ROBO1: variants seen among roughly 807,000 people sequenced by gnomAD.
ROBO1 encodes the protein roundabout guidance receptor 1, also known as roundabout homolog 1.
A neutral mutation model predicts 195.9 loss-of-function variants in ROBO1; 149 were observed. That is an observed-to-expected ratio of 0.76 (90% CI 0.67 to 0.87). ROBO1 has a LOEUF of 0.87. ROBO1 is among the 40% of genes least tolerant of loss of function. The pLI is 0.00. For missense variants in ROBO1, 1,933 were observed against 2,068.3 expected, an observed-to-expected ratio of 0.93 and a Z score of 1.27; for synonymous variants, 816 against 733.2, an observed-to-expected ratio of 1.11 and a Z score of -1.82.
At chr3:79,037,006 G>A (rs1039174120) in intron 3 of ROBO1, among the ~76,000 whole-genome samples, 3 of 152,058 alleles carry the variant, frequency 2.0e-5, no homozygotes, top group African/African-American at 7.2e-5. Context: ...GCTCTAAAGA[G>A]TATATATAAA....
At chr3:79,468,927 C>A (rs892509811) in intron 2 of ROBO1, among the ~76,000 whole-genome samples, 3 of 152,002 alleles carry the variant, frequency 2.0e-5, no homozygotes, top group Non-Finnish European at 2.9e-5. Context: ...TTACCTTGAC[C>A]TTTTCCTTTG....
In ROBO1 at chr3:79,112,015, G is replaced by C. The variant is rs181037767; in HGVS notation, c.172+13441C>G. Among the ~76,000 whole-genome samples the C allele has an allele frequency of 4.6e-5, 7 of 152,244 alleles. No homozygotes were observed. The East Asian group carries it at 1.4e-3, about 29-fold the overall frequency. ...GTGAAGTACCTCAATAATACCTTTT[G>C]TATTGATTACATGTTGAAACAATAA... is the stretch of plus-strand genomic sequence containing the variant. On this transcript the variant is annotated intron_variant, in intron 3 of 30. Transcript: ENST00000464233.
At chr3:78,801,516 C>G (rs547588333) in intron 4 of ROBO1, among the ~76,000 whole-genome samples, 6 of 152,064 alleles carry the variant, frequency 3.9e-5, no homozygotes, top group African/African-American at 1.4e-4. Flanking sequence ...AAAAAATACA[C>G]AGACATAAAA....
In ROBO1 at chr3:79,258,518, C is replaced by T. The variant is rs77662956; in HGVS notation, c.89-132979G>A. Among the ~76,000 whole-genome samples, 1,045 of 152,144 alleles carry T rather than the reference C, an allele frequency of 6.9e-3. 6 individuals carry two copies. Among genetic ancestry groups the T allele is most frequent in the Non-Finnish European group, 0.011 (727 of 67,996 alleles). On this transcript the variant is annotated intron_variant, in intron 2 of 30. Transcript: ENST00000464233. Reference sequence around the variant, plus strand: ...AAATATTTCAGTTGGTTTTTGAATACCAAAGATCACAGTAGAAATTTTTAT... The same window carrying T: ...AAATATTTCAGTTGGTTTTTGAATATCAAAGATCACAGTAGAAATTTTTAT...
At chr3:79,019,023 T>C (rs1421562269) in intron 3 of ROBO1, 4 of 989,184 alleles carry the variant, frequency 4.0e-6, no homozygotes, top group African/African-American at 3.5e-5. Context: ...GGAGTGTGAC[T>C]GGGTGACTCC....
intron 3 of ROBO1, among the ~76,000 whole-genome samples, chr3:79,039,465 A>C (rs2078441491): frequency 6.6e-6 from 1 of 152,184 alleles, no homozygotes; most frequent in Non-Finnish European, 1.5e-5. Flanking sequence ...GGCAGTAGAA[A>C]TAGCCATGGC....
At chr3:79,099,321 G>A (rs1438797273) in intron 3 of ROBO1, among the ~76,000 whole-genome samples, 1 of 151,654 alleles carries the variant, frequency 6.6e-6, no homozygotes, top group East Asian at 1.9e-4. Flanking sequence ...TATCCCAGAG[G>A]TGCAAACAGT....
chr3:79,767,616 A>C (rs1705067779), intron 1 of ROBO1, 136 bp downstream of exon 1: 1 of 152,180 alleles, frequency 6.6e-6, no homozygotes, highest in African/African-American at 2.4e-5. Flanking sequence ...CATCAGCCAC[A>C]ATTTCTGGAT....
At chr3:79,298,291 C>G (rs546543404) in intron 2 of ROBO1, among the ~76,000 whole-genome samples, 1 of 152,032 alleles carries the variant, frequency 6.6e-6, no homozygotes, top group Non-Finnish European at 1.5e-5. Context: ...TTTAAAGGTA[C>G]GTTTCTCTCC....
At chr3:78,817,205 A>T (rs1039798937) in intron 4 of ROBO1, among the ~76,000 whole-genome samples, 1 of 152,090 alleles carries the variant, frequency 6.6e-6, no homozygotes, top group African/African-American at 2.4e-5. Context: ...CAGCCACCCA[A>T]GCCTTCTGCA....
intron 23 of ROBO1, among the ~76,000 whole-genome samples, chr3:78,635,505 C>G (rs1388827010): frequency 6.6e-6 from 1 of 152,030 alleles, no homozygotes; most frequent in Non-Finnish European, 1.5e-5. Flanking sequence ...AAAAGATTGT[C>G]CGTCCCAATC....
At chr3:79,413,454 A>G (rs1222490860) in intron 2 of ROBO1, among the ~76,000 whole-genome samples, 2 of 151,988 alleles carry the variant, frequency 1.3e-5, no homozygotes, top group Non-Finnish European at 2.9e-5. Context: ...GGCAAGAGGG[A>G]TAGGAGGAGA....
chr3:78,742,277 G>C (rs2082551601), intron 5 of ROBO1, among the ~76,000 whole-genome samples: 1 of 151,838 alleles, frequency 6.6e-6, no homozygotes, highest in South Asian at 2.1e-4. Context: ...CAGCACATTT[G>C]GCAAAGTACA....
At chr3:78,696,271 C>T (rs1398063799) in intron 8 of ROBO1, among the ~76,000 whole-genome samples, 1 of 152,136 alleles carries the variant, frequency 6.6e-6, no homozygotes, top group Non-Finnish European at 1.5e-5. Context: ...TTGGAAGCAC[C>T]TGTGTCCCAA....
chr3:79,022,281 A>G (rs2078118682), intron 3 of ROBO1, among the ~76,000 whole-genome samples: 1 of 152,222 alleles, frequency 6.6e-6, no homozygotes, highest in Non-Finnish European at 1.5e-5. Context: ...GAAACAGTAA[A>G]GTGTGCTATA....
chr3:79,197,199 C>T (rs2108769357), intron 2 of ROBO1, among the ~76,000 whole-genome samples: 1 of 151,944 alleles, frequency 6.6e-6, no homozygotes, highest in East Asian at 1.9e-4. Context: ...AGCACCCCAC[C>T]CCTGATAGAC....
At chr3:78,939,191 C>G (rs993297689) in intron 3 of ROBO1, among the ~76,000 whole-genome samples, 4 of 152,126 alleles carry the variant, frequency 2.6e-5, no homozygotes, top group Non-Finnish European at 4.4e-5. Flanking sequence ...TCCCCAGGTC[C>G]TTTCAGAACC....
intron 22 of ROBO1, 95 bp from the exon 23 acceptor site, chr3:78,636,203 G>T: frequency 7.2e-6 from 6 of 831,064 alleles, no homozygotes. Flanking sequence ...TCAGAAAATC[G>T]TTATGTAAAG....
At chr3:79,277,216 C>G (rs993208197) in intron 2 of ROBO1, among the ~76,000 whole-genome samples, 3 of 151,996 alleles carry the variant, frequency 2.0e-5, no homozygotes, top group Admixed American at 1.3e-4. Context: ...TGAAAGTAAA[C>G]TAAGTGTCCA....
Sources: allele counts gnomAD v4.1 joint callset (sites outside exome capture counted in the v4.1 genomes callset), GRCh38; gene constraint gnomAD v4.1.1; transcripts MANE v1.5; gene names NCBI Gene and HGNC (gene_info 2026-07-23, HGNC 2026-07-21).